ORC2: variants seen among roughly 807,000 people sequenced by gnomAD.
The protein encoded by ORC2 is origin recognition complex protein 2 homolog.
Under a neutral mutation model 77.7 loss-of-function variants are expected in ORC2, and 37 were observed. The ratio of observed to expected loss-of-function variants is 0.48; its 90% confidence interval spans 0.37 to 0.63. The LOEUF is 0.63. Among genes scored for constraint, ORC2 ranks in the 20% least tolerant of loss-of-function variants. The pLI, the probability that ORC2 is intolerant of heterozygous loss-of-function variation, is 0.00. For synonymous variants in ORC2, 201 were observed against 229.5 expected (o/e 0.88, Z 1.12); for missense variants, 557 against 661.9 (o/e 0.84, Z 1.74).
intron 7 of ORC2, among the ~76,000 whole-genome samples, chr2:200,938,602 T>C (rs577554632): frequency 5.9e-5 from 9 of 152,362 alleles, no homozygotes; most frequent in East Asian, 3.9e-4. Context: ...TCCACTGTTA[T>C]ATACCTGTAA....
At chr2:200,955,409 C>T (rs1176096293) in intron 4 of ORC2, among the ~76,000 whole-genome samples, 1 of 152,096 alleles carries the variant, frequency 6.6e-6, no homozygotes, top group African/African-American at 2.4e-5. Context: ...AGTTAATGAA[C>T]TATGTAATTA....
intron 13 of ORC2, among the ~76,000 whole-genome samples, chr2:200,924,827 T>C (rs1056972119): frequency 6.6e-6 from 1 of 152,134 alleles, no homozygotes; most frequent in Non-Finnish European, 1.5e-5. Context: ...GGTATGATCT[T>C]GGCTCACTGC....
intron 13 of ORC2, 43 bp downstream of exon 13, chr2:200,925,793 C>T: frequency 2.3e-6 from 2 of 853,978 alleles, no homozygotes; most frequent in South Asian, 2.9e-5. Flanking sequence ...GAAGTATATG[C>T]TTAACTTTAC....
In ORC2 at chr2:200,926,717, T is replaced by C. The variant is rs773840255; in HGVS notation, c.1050+51A>G. ...CTCCATCCTCATTTATGTGGGGGCT[T>C]GAATTGGCAGAGGATATAATGTTTT... On this transcript the variant is annotated intron_variant, in intron 12 of 17. Coordinates refer to ENST00000234296, the MANE Select transcript of ORC2 (RefSeq NM_006190.5). The C allele has an allele frequency of 5.1e-6, 8 of 1,583,022 alleles. No homozygotes were observed. The East Asian group carries it at 1.8e-4, about 35-fold the overall frequency.
intron 1 of ORC2, chr2:200,963,164 GGCCTATAACT>G: frequency 3.1e-6 from 1 of 318,666 alleles, no homozygotes; most frequent in Non-Finnish European, 5.7e-6. Flanking sequence ...TTGCACAAAA[GGCCTATAACT>G]GCGGGGCAGA....
At chr2:200,937,818 C>CTAAG (rs1244720736) in intron 8 of ORC2, 88 bp downstream of exon 8, 2 of 829,044 alleles carry the variant, frequency 2.4e-6, no homozygotes, top group African/African-American at 3.5e-5. Context: ...ACCAAGCAGT[C>CTAAG]TAAGTCTAGA....
intron 5 of ORC2, among the ~76,000 whole-genome samples, chr2:200,947,969 C>T (rs1351179687): frequency 1.3e-5 from 2 of 151,464 alleles, no homozygotes; most frequent in Admixed American, 6.6e-5. Flanking sequence ...AGTGCAGTGG[C>T]GCGATCTCGG....
chr2:200,914,458 ACCCGG>A (rs1281098973), intron 15 of ORC2, among the ~76,000 whole-genome samples: 1 of 151,978 alleles, frequency 6.6e-6, no homozygotes, highest in African/African-American at 2.4e-5. Flanking sequence ...GAGCCACTGT[ACCCGG>A]CCCGCTTTTT....
intron 1 of ORC2, among the ~76,000 whole-genome samples, chr2:200,960,121 G>A (rs2041545245): frequency 6.6e-6 from 1 of 151,984 alleles, no homozygotes; most frequent in South Asian, 2.1e-4. Flanking sequence ...GGGACTACTA[G>A]CTTCTGCCAC....
At chr2:200,947,431 T>C (rs72929030) in intron 5 of ORC2, among the ~76,000 whole-genome samples, 8,069 of 152,296 alleles carry the variant, frequency 0.053, 257 homozygotes, top group Middle Eastern at 0.1. Context: ...ATATTTTATT[T>C]TTACTTGACC....
rs1400471298 is a variant in ORC2, at chr2:200,937,757, T to C, written c.514+149A>G. On this transcript the variant is annotated intron_variant, in intron 8 of 17. Coordinates refer to ENST00000234296, the MANE Select transcript of ORC2 (RefSeq NM_006190.5). ...TGACTTCAATATACACTGACTACAA[T>C]GTGAAAGACATGGTGCTAAGTGTTG... The C allele has an allele frequency of 1.3e-5, 8 of 598,382 alleles. No individual in the cohort carries two copies. The Admixed American group carries it at 2.1e-4, about 16-fold the overall frequency. The allele number at this position is 598,382 out of a possible 1,614,324, so 37.1% of individuals were successfully genotyped here.
At chr2:200,961,754 C>A (rs1365499503) in intron 1 of ORC2, among the ~76,000 whole-genome samples, 1 of 152,044 alleles carries the variant, frequency 6.6e-6, no homozygotes, top group Non-Finnish European at 1.5e-5. Flanking sequence ...TTTATAAATG[C>A]TAATAGGGAG....
intron 10 of ORC2, among the ~76,000 whole-genome samples, chr2:200,933,246 T>G (rs2040974427): frequency 6.7e-6 from 1 of 149,204 alleles, no homozygotes; most frequent in African/African-American, 2.5e-5. Flanking sequence ...TTTTTTTTTT[T>G]GTAAAATGAG....
At chr2:200,962,629 A>G (rs534662212) in intron 1 of ORC2, among the ~76,000 whole-genome samples, 3 of 152,242 alleles carry the variant, frequency 2.0e-5, no homozygotes, top group Admixed American at 1.3e-4. Context: ...TCCTTACTGC[A>G]GTGCACTGAG....
At chr2:200,929,063 T>A (rs191368255) in intron 11 of ORC2, among the ~76,000 whole-genome samples, 1 of 152,156 alleles carries the variant, frequency 6.6e-6, no homozygotes, top group African/African-American at 2.4e-5. Context: ...GCAATTCTCC[T>A]GCCTCACCCT....
intron 16 of ORC2, 111 bp from the exon 17 acceptor site, chr2:200,913,524 A>G: frequency 7.1e-7 from 1 of 1,404,274 alleles, no homozygotes. Flanking sequence ...GTTATCCCAG[A>G]GCAGTGAACA....
intron 1 of ORC2, among the ~76,000 whole-genome samples, chr2:200,961,288 C>T (rs866184723): frequency 6.6e-6 from 1 of 151,978 alleles, no homozygotes; most frequent in African/African-American, 2.4e-5. Flanking sequence ...GCCTCCTGAA[C>T]AGGTGGGACT....
intron 10 of ORC2, among the ~76,000 whole-genome samples, 173 bp from the exon 11 acceptor site, chr2:200,931,621 AT>A (rs1462224268): frequency 6.6e-6 from 1 of 152,172 alleles, no homozygotes; most frequent in Non-Finnish European, 1.5e-5. Context: ...TTAAAAAATA[AT>A]TTTTTTGTTT....
intron 4 of ORC2, 57 bp downstream of exon 4, chr2:200,957,344 T>C (rs2041486792): frequency 2.2e-6 from 3 of 1,376,150 alleles, no homozygotes; most frequent in South Asian, 2.9e-5. Flanking sequence ...TTGTGTATCC[T>C]ATAAAGCAAT....
Sources: allele counts gnomAD v4.1 joint callset (sites outside exome capture counted in the v4.1 genomes callset), GRCh38; gene constraint gnomAD v4.1.1; transcripts MANE v1.5; gene names NCBI Gene and HGNC (gene_info 2026-07-23, HGNC 2026-07-21).